Variants in LHFPL6 observed in about 807,000 individuals in gnomAD.
LHFPL6 encodes the protein LHFPL tetraspan subfamily member 6 protein.
A neutral mutation model predicts 20.6 loss-of-function variants in LHFPL6; 9 were observed. The observed-to-expected ratio is 0.44, with a 90% CI of 0.26 to 0.76. The LOEUF is 0.76. Ranked by LOEUF, LHFPL6 falls within the 30% of genes least tolerant of loss-of-function variation. The probability of loss-of-function intolerance (pLI) is 0.20; values close to 1 mark genes in which losing one functional copy is unlikely to be tolerated. For synonymous variants in LHFPL6, 105 were observed against 98.7 expected, an observed-to-expected ratio of 1.06 and a Z score of -0.38; for missense variants, 218 against 253.5, an observed-to-expected ratio of 0.86 and a Z score of 0.95.
At chr13:39,380,498 G>C (rs550319091) in intron 2 of LHFPL6, among the ~76,000 whole-genome samples, 5 of 151,066 alleles carry the variant, frequency 3.3e-5, no homozygotes, top group Admixed American at 2.6e-4. Flanking sequence ...TGTCAGATCA[G>C]TGGTGGCATC....
At chr13:39,495,728 G>A (rs985022729) in intron 2 of LHFPL6, among the ~76,000 whole-genome samples, 5 of 149,914 alleles carry the variant, frequency 3.3e-5, no homozygotes, top group African/African-American at 4.9e-5. Flanking sequence ...CTAAGTGCCA[G>A]ATACCAACCT....
intron 2 of LHFPL6, among the ~76,000 whole-genome samples, chr13:39,474,547 T>A (rs1021937594): frequency 3.3e-5 from 5 of 152,194 alleles, no homozygotes; most frequent in Non-Finnish European, 7.3e-5. Flanking sequence ...TTCCTCACCT[T>A]TTTTCTTACC....
chr13:39,521,718 C>T (rs1443209513), intron 2 of LHFPL6, among the ~76,000 whole-genome samples: 1 of 152,164 alleles, frequency 6.6e-6, no homozygotes, highest in East Asian at 1.9e-4. Context: ...GAGTCATTAT[C>T]TATCCAAATT....
intron 2 of LHFPL6, among the ~76,000 whole-genome samples, chr13:39,541,158 G>A (rs1215537331): frequency 2.6e-5 from 4 of 152,178 alleles, no homozygotes; most frequent in Non-Finnish European, 5.9e-5. Context: ...GGGAAGCCCA[G>A]TATTGCTCCT....
chr13:39,555,989 G>A (rs954632892), intron 2 of LHFPL6, among the ~76,000 whole-genome samples: 1 of 151,900 alleles, frequency 6.6e-6, no homozygotes, highest in Admixed American at 6.6e-5. Context: ...AAGAGTCTGG[G>A]ACCTCCCCCT....
chr13:39,375,557 G>T (rs1450022999), intron 3 of LHFPL6, among the ~76,000 whole-genome samples: 2 of 152,086 alleles, frequency 1.3e-5, no homozygotes, highest in African/African-American at 2.4e-5. Context: ...TGGGCCTGGT[G>T]GCGGGTGCCT....
At chr13:39,563,960 T>C (rs1305049467) in intron 2 of LHFPL6, among the ~76,000 whole-genome samples, 1 of 152,032 alleles carries the variant, frequency 6.6e-6, no homozygotes, top group Admixed American at 6.6e-5. Flanking sequence ...TTGTTGTATA[T>C]CCCCCAAAGG....
chr13:39,432,111 G>A (rs892832106), intron 2 of LHFPL6, among the ~76,000 whole-genome samples: 2 of 152,152 alleles, frequency 1.3e-5, no homozygotes, highest in Non-Finnish European at 2.9e-5. Flanking sequence ...AGGACATCTA[G>A]ATGAATGAGT....
intron 2 of LHFPL6, among the ~76,000 whole-genome samples, chr13:39,433,079 G>T (rs1315096035): frequency 5.9e-5 from 9 of 152,182 alleles, no homozygotes; most frequent in Non-Finnish European, 1.2e-4. Flanking sequence ...AAAATCAACA[G>T]ATTGGAGCCT....
At chr13:39,564,090 A>C (rs1871636284) in intron 2 of LHFPL6, among the ~76,000 whole-genome samples, 1 of 149,954 alleles carries the variant, frequency 6.7e-6, no homozygotes. Flanking sequence ...CATTAAATCC[A>C]GGAGATTGGG....
chr13:39,515,820 GA>G (rs2138480252), intron 2 of LHFPL6, among the ~76,000 whole-genome samples: 1 of 152,204 alleles, frequency 6.6e-6, no homozygotes, highest in African/African-American at 2.4e-5. Flanking sequence ...TATTAACTAA[GA>G]GAGGAGGCCA....
At chr13:39,553,206 A>G (rs1195535825) in intron 2 of LHFPL6, among the ~76,000 whole-genome samples, 1 of 152,244 alleles carries the variant, frequency 6.6e-6, no homozygotes, top group African/African-American at 2.4e-5. Flanking sequence ...AATACAATTT[A>G]GAAATTATTT....
At chr13:39,486,763 T>C (rs1043597763) in intron 2 of LHFPL6, among the ~76,000 whole-genome samples, 1 of 152,228 alleles carries the variant, frequency 6.6e-6, no homozygotes, top group Non-Finnish European at 1.5e-5. Flanking sequence ...TATCAGGATA[T>C]CTAATGTCAA....
intron 2 of LHFPL6, among the ~76,000 whole-genome samples, chr13:39,441,771 C>T (rs1416040131): frequency 6.6e-6 from 1 of 151,772 alleles, no homozygotes; most frequent in Non-Finnish European, 1.5e-5. Flanking sequence ...ATTCAGCTTC[C>T]CAAAGAGCTG....
At chr13:39,514,050 G>A (rs745971002) in intron 2 of LHFPL6, among the ~76,000 whole-genome samples, 2 of 152,112 alleles carry the variant, frequency 1.3e-5, no homozygotes, top group Admixed American at 6.5e-5. Flanking sequence ...GAACCTGAGT[G>A]ATGGAGTCAA....
chr13:39,483,483 A>ATTTTTT (rs34041103), intron 2 of LHFPL6, among the ~76,000 whole-genome samples: 6 of 137,868 alleles, frequency 4.4e-5, no homozygotes, highest in African/African-American at 1.6e-4. Flanking sequence ...CCTCATTACA[A>ATTTTTT]TTTTTTTTTT....
chr13:39,473,068 G>C (rs575998568), intron 2 of LHFPL6, among the ~76,000 whole-genome samples: 1 of 152,198 alleles, frequency 6.6e-6, no homozygotes, highest in Admixed American at 6.5e-5. Flanking sequence ...TGTGTCTCCG[G>C]ATAATGGAGC....
At chr13:39,537,988 CTTTCT>C (rs869126476) in intron 2 of LHFPL6, among the ~76,000 whole-genome samples, 2,308 of 116,234 alleles carry the variant, frequency 0.02, 41 homozygotes, top group African/African-American at 0.059. Context: ...TTCTTTCTTT[CTTTCT>C]TTTTTTTTTT....
At chr13:39,575,110 C>T (rs762547998) in intron 2 of LHFPL6, among the ~76,000 whole-genome samples, 3 of 152,096 alleles carry the variant, frequency 2.0e-5, no homozygotes, top group Non-Finnish European at 2.9e-5. Flanking sequence ...AATTTCCATT[C>T]TATTCCCCGC....
Sources: gnomAD v4.1 joint callset for allele counts (sites outside exome capture counted in the v4.1 genomes callset) on GRCh38, gnomAD v4.1.1 for gene constraint, MANE v1.5 for transcripts, NCBI Gene and HGNC (gene_info 2026-07-23, HGNC 2026-07-21) for gene names.